The following SLA variants were observed in gnomAD, a reference collection of about 807,000 sequenced individuals.
SLA encodes Src like adaptor, also known as src-like-adapter.
Under a neutral mutation model 30.3 loss-of-function variants are expected in SLA, and 16 were observed. That is an observed-to-expected ratio of 0.53 (90% CI 0.36 to 0.80). SLA has a LOEUF of 0.80. Among genes scored for constraint, SLA ranks in the 30% least tolerant of loss-of-function variants. The pLI, the probability that SLA is intolerant of heterozygous loss-of-function variation, is 0.01. For synonymous variants in SLA, 143 were observed against 137.8 expected, an observed-to-expected ratio of 1.04 and a Z score of -0.26; for missense variants, 310 against 345.2, an observed-to-expected ratio of 0.90 and a Z score of 0.81.
chr8:133,065,863 A>G (rs1842960597), intron 2 of SLA, among the ~76,000 whole-genome samples: 1 of 152,226 alleles, frequency 6.6e-6, no homozygotes, highest in Admixed American at 6.5e-5. Flanking sequence ...AAACTTTAAT[A>G]CAATGGAGGC....
intron 2 of SLA, chr8:133,072,919 G>T (rs1352017099): frequency 1.3e-5 from 2 of 152,180 alleles, no homozygotes; most frequent in African/African-American, 4.8e-5. Context: ...CATTGCTTTA[G>T]CTGTTTAATC....
At chr8:133,058,191 A>G (rs975685458) in intron 3 of SLA, among the ~76,000 whole-genome samples, 14 of 152,330 alleles carry the variant, frequency 9.2e-5, no homozygotes, top group South Asian at 2.1e-4. Context: ...TCAAGTAGGT[A>G]GAAGAGAAAA....
At chr8:133,059,951 C>A in intron 3 of SLA, 149 bp downstream of exon 3, 1 of 790,872 alleles carries the variant, frequency 1.3e-6, no homozygotes, top group Non-Finnish European at 1.9e-6. Flanking sequence ...AGTATTTGAA[C>A]CACAAACAAA....
In SLA at chr8:133,038,926, G is replaced by A. The variant is rs183334795; in HGVS notation, c.618-189C>T. Among the ~76,000 whole-genome samples the A allele has an allele frequency of 4.8e-3, 725 of 152,250 alleles. 6 individuals are homozygous for A. The highest frequency in any genetic ancestry group is 8.3e-3 in the Non-Finnish European group (563 of 68,018). On this transcript the variant is annotated intron_variant, in intron 8 of 8. Transcript: ENST00000338087. The stretch of plus-strand genomic sequence containing the variant: ...GGAGTCTCGCTCTGTTGCCCAGGCT[G>A]GAGTGCAGTGGTGCAATCTCTGCTC...
chr8:133,087,439 G>A lies in SLA; in HGVS notation c.-318-12309C>T, dbSNP rs543435679. 1.2e-4 allele frequency among the ~76,000 whole-genome samples: 19 copies of A among 152,178 alleles called. 1 individual carries two copies. The highest frequency in any genetic ancestry group is 1.0e-3 in the South Asian group (5 of 4,820). ...CAGAACCACCTCCTTCCTCCCTCGGGGTGTGAGGGGACTCATTTCTCTCCC... is the reference window on the plus strand; with the variant it reads ...CAGAACCACCTCCTTCCTCCCTCGGAGTGTGAGGGGACTCATTTCTCTCCC... On this transcript the variant is annotated intron_variant, in intron 1 of 8. Transcript: ENST00000338087.
intron 2 of SLA, chr8:133,060,452 C>T: frequency 1.6e-6 from 2 of 1,270,202 alleles, no homozygotes; most frequent in Non-Finnish European, 2.1e-6. Flanking sequence ...GCAAAAGTTT[C>T]CATTCCTCCG....
chr8:133,050,716 A>T (rs1462287076), intron 4 of SLA, 100 bp downstream of exon 4: 2 of 784,054 alleles, frequency 2.6e-6, no homozygotes, highest in Non-Finnish European at 4.5e-6. Context: ...ACCAGGACTC[A>T]TGTGGAACTA....
intron 1 of SLA, chr8:133,096,174 A>G: frequency 6.2e-7 from 1 of 1,613,576 alleles, no homozygotes; most frequent in Non-Finnish European, 8.5e-7. Flanking sequence ...TGATTATTCC[A>G]GGACAACTGA....
chr8:133,038,844 A>G, intron 8 of SLA, 107 bp from the exon 9 acceptor site: 1 of 660,094 alleles, frequency 1.5e-6, no homozygotes. Context: ...AGAAAAACAA[A>G]AATCCTGGTG....
chr8:133,050,219 C>A, intron 4 of SLA: 1 of 540,134 alleles, frequency 1.9e-6, no homozygotes, highest in Non-Finnish European at 3.3e-6. Context: ...CTCCCATGTG[C>A]TAGAAATAGC....
chr8:133,043,003 C>T (rs567625801), intron 7 of SLA, among the ~76,000 whole-genome samples: 1 of 152,130 alleles, frequency 6.6e-6, no homozygotes, highest in Admixed American at 6.5e-5. Context: ...CCATCTGTGT[C>T]TTTAGAGTGA....
intron 1 of SLA, among the ~76,000 whole-genome samples, chr8:133,087,294 A>T (rs1433528790): frequency 6.6e-6 from 1 of 152,210 alleles, no homozygotes; most frequent in Non-Finnish European, 1.5e-5. Context: ...TAAATAAGCT[A>T]AGGTCGCACT....
chr8:133,060,397 CAG>C, intron 2 of SLA, 197 bp from the exon 3 acceptor site: 2 of 1,513,424 alleles, frequency 1.3e-6, no homozygotes, highest in Non-Finnish European at 1.8e-6. Context: ...AAGGGAATGA[CAG>C]AAAAACCACA....
At chr8:133,075,407 G>A (rs16904822) in intron 1 of SLA, among the ~76,000 whole-genome samples, 30,558 of 152,110 alleles carry the variant, frequency 0.2, 3,183 homozygotes, top group East Asian at 0.21. Context: ...TGAGATTAAA[G>A]GAGACTAAAG....
intron 1 of SLA, chr8:133,096,222 G>T (rs1224979983): frequency 1.9e-6 from 3 of 1,614,212 alleles, no homozygotes; most frequent in Middle Eastern, 1.6e-4. Flanking sequence ...GCCGTGAGTG[G>T]CCCTTTCCAC....
intron 6 of SLA, among the ~76,000 whole-genome samples, chr8:133,045,746 G>C (rs139364711): frequency 1.3e-5 from 2 of 152,154 alleles, no homozygotes; most frequent in African/African-American, 4.8e-5. Flanking sequence ...TCCACATCCT[G>C]AGGCCAAATG....
intron 1 of SLA, among the ~76,000 whole-genome samples, chr8:133,083,355 G>A (rs1233138514): frequency 6.6e-6 from 1 of 152,038 alleles, no homozygotes; most frequent in East Asian, 1.9e-4. Context: ...CTTGAAACAT[G>A]TATGCACTTT....
intron 1 of SLA, among the ~76,000 whole-genome samples, chr8:133,077,727 T>C (rs898294034): frequency 1.5e-5 from 2 of 134,712 alleles, no homozygotes; most frequent in African/African-American, 5.9e-5. Context: ...GGGCATTCTC[T>C]GGTGTGTATG....
At chr8:133,074,122 G>C (rs576025179) in intron 2 of SLA, among the ~76,000 whole-genome samples, 1 of 152,056 alleles carries the variant, frequency 6.6e-6, no homozygotes, top group Non-Finnish European at 1.5e-5. Context: ...GAAAATTCCC[G>C]TTGTCCTAAA....
Sources: allele counts gnomAD v4.1 joint callset (sites outside exome capture counted in the v4.1 genomes callset), GRCh38; gene constraint gnomAD v4.1.1; transcripts MANE v1.5; gene names NCBI Gene and HGNC (gene_info 2026-07-23, HGNC 2026-07-21).